Variants in PCDHGA9 observed in about 807,000 individuals in gnomAD.
PCDHGA9 encodes the protein protocadherin gamma-A9.
Under a neutral mutation model 62.5 loss-of-function variants are expected in PCDHGA9, and 37 were observed. The observed-to-expected ratio is 0.59, with a 90% confidence interval of 0.46 to 0.78. The LOEUF (loss-of-function observed/expected upper bound fraction) is 0.78. Among genes scored for constraint, PCDHGA9 ranks in the 30% least tolerant of loss-of-function variants. The probability of loss-of-function intolerance (pLI) is 0.00; values close to 1 mark genes in which losing one functional copy is unlikely to be tolerated. For missense variants in PCDHGA9, 1,138 were observed against 1,166.2 expected (o/e 0.98, Z 0.35); for synonymous variants, 459 against 484.6 (o/e 0.95, Z 0.69).
Position 141,491,742 on chromosome 5 carries a change from C to CA in PCDHGA9, c.2425-3064dup. The CA allele has an allele frequency of 3.1e-6, 5 of 1,596,114 alleles. No individual in the cohort carries two copies. Among genetic ancestry groups the CA allele is most frequent in the Non-Finnish European group, 4.3e-6 (5 of 1,172,424 alleles). ...CGCCCCGGGCGACCCCTGGGGGCGG[C>CA]ACTGGAGAAGCCGCCCGTCCTCATA... On this transcript the variant is annotated intron_variant, in intron 1 of 3. Coordinates refer to ENST00000573521, the MANE Select transcript of PCDHGA9 (RefSeq NM_018921.3). This position sits in a 1 kb window ranked among gnomAD's most constrained non-coding sequence, Gnocchi z 6.9.
chr5:141,460,511 A>G (rs533913282), intron 1 of PCDHGA9, among the ~76,000 whole-genome samples: 2 of 152,286 alleles, frequency 1.3e-5, no homozygotes, highest in Admixed American at 1.3e-4. Context: ...TGAGAAGGCT[A>G]TCTTTTCCCC....
chr5:141,465,611 C>T (rs1393170181), intron 1 of PCDHGA9, among the ~76,000 whole-genome samples: 1 of 152,178 alleles, frequency 6.6e-6, no homozygotes, highest in African/African-American at 2.4e-5. Context: ...CTCTTTGGCC[C>T]TCCAGGAAGT....
chr5:141,410,184 A>AT, intron 1 of PCDHGA9: 1 of 1,613,918 alleles, frequency 6.2e-7, no homozygotes, highest in Non-Finnish European at 8.5e-7. Context: ...GCCACGCTTC[A>AT]TCTGGTCTTC....
At chr5:141,409,357 T>C (rs754237134) in intron 1 of PCDHGA9, 4 of 1,613,968 alleles carry the variant, frequency 2.5e-6, no homozygotes, top group Non-Finnish European at 2.5e-6. Flanking sequence ...TCAGGTGTAA[T>C]ATAGAAACAG....
Position 141,477,912 on chromosome 5 carries a change from A to T in PCDHGA9, c.2425-16895A>T. The T allele has an allele frequency of 6.2e-7, 1 of 1,614,166 alleles. No individual in the cohort carries two copies. Among genetic ancestry groups the T allele is most frequent in the Non-Finnish European group, 8.5e-7 (1 of 1,180,022 alleles). ...TCACGGGTGGTAGGCTGGGACGCGGATGCAGGGCACAATGCCTGGCTCTCC... is the reference window on the plus strand; with the variant it reads ...TCACGGGTGGTAGGCTGGGACGCGGTTGCAGGGCACAATGCCTGGCTCTCC... On this transcript the variant is annotated intron_variant, in intron 1 of 3. Coordinates refer to ENST00000573521, the MANE Select transcript of PCDHGA9 (RefSeq NM_018921.3). This position sits in a 1 kb window ranked among gnomAD's most constrained non-coding sequence, Gnocchi z 4.9.
chr5:141,497,031 A>G (rs898409925), intron 2 of PCDHGA9, among the ~76,000 whole-genome samples: 14 of 152,184 alleles, frequency 9.2e-5, no homozygotes, highest in African/African-American at 3.4e-4. Context: ...TCGATTAAAA[A>G]TACAAAAATT....
intron 1 of PCDHGA9, among the ~76,000 whole-genome samples, chr5:141,443,122 A>C (rs1239492679): frequency 6.6e-6 from 1 of 152,138 alleles, no homozygotes; most frequent in East Asian, 1.9e-4. Flanking sequence ...TTCAAACCAG[A>C]TTAAGAACAC....
intron 1 of PCDHGA9, among the ~76,000 whole-genome samples, chr5:141,481,782 T>C (rs1348977678): frequency 6.6e-6 from 1 of 152,008 alleles, no homozygotes; most frequent in African/African-American, 2.4e-5. Context: ...TGAAACCCCG[T>C]CTCTACTAAA....
rs1036223789 is a variant in PCDHGA9, at chr5:141,511,298, G to C, written c.*125G>C. 49 of 1,502,412 alleles carry C rather than the reference G, an allele frequency of 3.3e-5. No homozygotes were observed. The African/African-American group carries it at 6.7e-4, about 20-fold the overall frequency. 93.1% of individuals were successfully genotyped at this position (1,502,412 alleles called of 1,614,324 possible). A position where few individuals can be genotyped will look rare whatever the true frequency, so the allele number is the denominator to read the frequency against. The stretch of plus-strand genomic sequence containing the variant: ...GAATACTGGTAGGGGCCAAGGCCAT[G>C]CTCCCCTTGGGAAACAGAAACAAGT... On this transcript the variant is annotated 3_prime_UTR_variant, in exon 4 of 4. Coordinates refer to ENST00000573521, the MANE Select transcript of PCDHGA9 (RefSeq NM_018921.3).
At position 141,432,379 on chromosome 5, in the gene PCDHGA9, G is replaced by A; in HGVS notation, c.2424+27003G>A. On this transcript the variant is annotated intron_variant, in intron 1 of 3. Transcript: ENST00000573521. The surrounding 1 kb of genome is among the most constrained non-coding windows in gnomAD (Gnocchi z 6.0). ...TGATGGCGCGGGACAACGGGCACCC[G>A]CCCCTCAGCAGCAACGTGTCGTTGA... 1.2e-6 allele frequency: 2 copies of A among 1,614,208 alleles called. No homozygotes were observed. The highest frequency in any genetic ancestry group is 1.7e-6 in the Non-Finnish European group (2 of 1,180,038).
chr5:141,450,977 A>G (rs2098702822), intron 1 of PCDHGA9, among the ~76,000 whole-genome samples: 1 of 151,760 alleles, frequency 6.6e-6, no homozygotes, highest in African/African-American at 2.4e-5. Context: ...GGCATGTGCC[A>G]CCACACCCGG....
intron 1 of PCDHGA9, chr5:141,430,691 G>C (rs1479214920): frequency 1.4e-6 from 2 of 1,416,472 alleles, no homozygotes; most frequent in Non-Finnish European, 1.9e-6. Flanking sequence ...CCATTCTATG[G>C]GCGAAGGAAC....
Position 141,485,057 on chromosome 5 carries a change from C to A in PCDHGA9, c.2425-9750C>A, listed in dbSNP as rs2099605934. ...GTAACCCTTGCGGCGCCGGCCGAACCGCGCCAGAGCTGGCGCGGGGAAAGG... is the reference window on the plus strand; with the variant it reads ...GTAACCCTTGCGGCGCCGGCCGAACAGCGCCAGAGCTGGCGCGGGGAAAGG... On this transcript the variant is annotated intron_variant, in intron 1 of 3. Coordinates refer to ENST00000573521, the MANE Select transcript of PCDHGA9 (RefSeq NM_018921.3). The surrounding 1 kb of genome is among the most constrained non-coding windows in gnomAD (Gnocchi z 5.7). The A allele has an allele frequency of 2.4e-6, 2 of 843,718 alleles. No homozygotes were observed. Among genetic ancestry groups the A allele is most frequent in the South Asian group, 1.7e-5 (1 of 59,950 alleles). 52.3% of individuals were successfully genotyped at this position (843,718 alleles called of 1,614,324 possible).
At position 141,494,934 on chromosome 5, in the gene PCDHGA9, T is replaced by C. The variant is rs2099757666; in HGVS notation, c.2483+69T>C. On this transcript the variant is annotated intron_variant, in intron 2 of 3. Transcript: ENST00000573521. ...TTCTCAGGGATGACGTGGGAGGAGA[T>C]GGGGGAGGGCCCAGCATTTGCTACA... 5.6e-6 allele frequency: 9 copies of C among 1,612,736 alleles called. No individual in the cohort carries two copies. The South Asian group carries it at 7.7e-5, about 14-fold the overall frequency.
chr5:141,448,394 T>A (rs1360417681), intron 1 of PCDHGA9, among the ~76,000 whole-genome samples: 2 of 152,206 alleles, frequency 1.3e-5, no homozygotes, highest in Admixed American at 6.5e-5. Context: ...TACATTTACA[T>A]GGTTTTAAAA....
At chr5:141,463,165 C>G (rs1042153238) in intron 1 of PCDHGA9, among the ~76,000 whole-genome samples, 1 of 152,148 alleles carries the variant, frequency 6.6e-6, no homozygotes, top group Non-Finnish European at 1.5e-5. Context: ...TCAGTGCACT[C>G]TATGTATGCT....
At position 141,493,482 on chromosome 5, in the gene PCDHGA9, G is replaced by A. The variant is rs184736387; in HGVS notation, c.2425-1325G>A. ...TTTTAGGACCTTACATGTGGGGAAA[G>A]TCTTCTGTGGCTCCTCATTTCTGAG... On this transcript the variant is annotated intron_variant, in intron 1 of 3. Coordinates refer to ENST00000573521, the MANE Select transcript of PCDHGA9 (RefSeq NM_018921.3). This position sits in a 1 kb window ranked among gnomAD's most constrained non-coding sequence, Gnocchi z 4.3. Among the ~76,000 whole-genome samples the A allele has an allele frequency of 1.5e-3, 229 of 152,324 alleles. No homozygotes were observed. Among genetic ancestry groups the A allele is most frequent in the Non-Finnish European group, 2.2e-3 (147 of 68,030 alleles).
rs753051237 is a variant in PCDHGA9, at chr5:141,490,422, A to G, written c.2425-4385A>G. On this transcript the variant is annotated intron_variant, in intron 1 of 3. Coordinates refer to ENST00000573521, the MANE Select transcript of PCDHGA9 (RefSeq NM_018921.3). This position sits in a 1 kb window ranked among gnomAD's most constrained non-coding sequence, Gnocchi z 5.4. Reference sequence around the variant, plus strand: ...GCCTTGATATCTCTCCGGACCTGCCATTTCAGATTAAGCCTTCTGAGAACC... The same window carrying G: ...GCCTTGATATCTCTCCGGACCTGCCGTTTCAGATTAAGCCTTCTGAGAACC... 1 of 1,614,178 alleles carries G rather than the reference A, an allele frequency of 6.2e-7. No individual in the cohort carries two copies. The highest frequency in any genetic ancestry group is 1.7e-5 in the Admixed American group (1 of 60,030).
intron 1 of PCDHGA9, chr5:141,421,166 A>T: frequency 7.7e-7 from 1 of 1,301,524 alleles, no homozygotes; most frequent in Non-Finnish European, 1.0e-6. Context: ...CTTCATAGAT[A>T]CATAAGCCGA....
Sources: gnomAD v4.1 joint callset for allele counts (sites outside exome capture counted in the v4.1 genomes callset) on GRCh38, gnomAD v4.1.1 for gene constraint, Gnocchi (gnomAD v3.1) non-coding constraint, MANE v1.5 for transcripts, NCBI Gene and HGNC (gene_info 2026-07-23, HGNC 2026-07-21) for gene names.